NRG2: variants seen among roughly 807,000 people sequenced by gnomAD.
NRG2 encodes the protein neuregulin 2.
Under a neutral mutation model 73.9 loss-of-function variants are expected in NRG2, and 27 were observed. The observed-to-expected ratio is 0.37, with a 90% CI of 0.27 to 0.50. NRG2 has a LOEUF of 0.50. NRG2 is among the 20% of genes least tolerant of loss of function. NRG2 has a pLI of 0.96. For missense variants in NRG2, 1,126 were observed against 1,210.1 expected (o/e 0.93, Z 1.03); for synonymous variants, 532 against 541.0 (o/e 0.98, Z 0.23).
At chr5:140,031,506 C>A (rs1761152527) in intron 1 of NRG2, among the ~76,000 whole-genome samples, 1 of 152,024 alleles carries the variant, frequency 6.6e-6, no homozygotes, top group Non-Finnish European at 1.5e-5. Flanking sequence ...ACTATTTTTC[C>A]CCTAAAATCA....
Position 139,860,052 on chromosome 5 carries a change from G to A in NRG2, c.1190-4274C>T, listed in dbSNP as rs1277916714. The A allele has an allele frequency of 1.3e-5, 11 of 833,512 alleles. No homozygotes were observed. The East Asian group carries it at 2.9e-4, about 22-fold the overall frequency. The allele number at this position is 833,512 out of a possible 1,614,324, so 51.6% of individuals were successfully genotyped here. On this transcript the variant is annotated intron_variant, in intron 5 of 9. Coordinates refer to ENST00000361474, the MANE Select transcript of NRG2 (RefSeq NM_004883.3). ...CGGGCAGCCATCCTGCGAGGTGAAA[G>A]CAGGTTAGTAGTGTCCCCTCCCAGC...
intron 1 of NRG2, among the ~76,000 whole-genome samples, chr5:139,938,905 AAAAGAAAGAAAG>A (rs1164805368): frequency 0.037 from 2,797 of 75,380 alleles, 59 homozygotes; most frequent in Middle Eastern, 0.06. Context: ...AGAAAGAAAG[AAAAGAAAGAAAG>A]AAAGAAAGAA....
At chr5:139,867,358 G>A (rs1000279051) in intron 4 of NRG2, among the ~76,000 whole-genome samples, 6 of 151,948 alleles carry the variant, frequency 3.9e-5, no homozygotes, top group African/African-American at 1.5e-4. Flanking sequence ...TGGAGGGCTG[G>A]GAAGTGTATC....
At chr5:140,021,536 C>A (rs1303256053) in intron 1 of NRG2, among the ~76,000 whole-genome samples, 1 of 152,236 alleles carries the variant, frequency 6.6e-6, no homozygotes, top group African/African-American at 2.4e-5. Context: ...AGAGAGCAAT[C>A]TCAGCACGTT....
In NRG2 at chr5:139,851,047, GCGCCATCTCAGCTCACTGCAACCTC is replaced by G. The variant is rs1006532371; in HGVS notation, c.1772+532_1772+556del. On this transcript the variant is annotated intron_variant, in intron 9 of 9. Transcript: ENST00000361474. This position sits in a 1 kb window ranked among gnomAD's most constrained non-coding sequence, Gnocchi z 4.2. ...CTGTTGCTGAGGTTGGAGTGCAGTG[GCGCCATCTCAGCTCACTGCAACCTC>G]CGCCTCCCAGGTGAAGGGATGCTCT... 4.6e-5 allele frequency among the ~76,000 whole-genome samples: 7 copies of G among 151,842 alleles called. No individual in the cohort carries two copies. Among genetic ancestry groups the G allele is most frequent in the Admixed American group, 3.9e-4 (6 of 15,260 alleles).
intron 1 of NRG2, among the ~76,000 whole-genome samples, chr5:140,038,921 G>T (rs1353242738): frequency 6.6e-6 from 1 of 152,190 alleles, no homozygotes; most frequent in African/African-American, 2.4e-5. Flanking sequence ...CAGCTGGCTG[G>T]GGAAGAAAAG....
intron 1 of NRG2, among the ~76,000 whole-genome samples, chr5:139,907,977 CTCACG>C (rs2127187848): frequency 6.6e-6 from 1 of 152,362 alleles, no homozygotes; most frequent in South Asian, 2.1e-4. Flanking sequence ...TCTTGTTATC[CTCACG>C]ACAATCCTGT....
intron 1 of NRG2, among the ~76,000 whole-genome samples, chr5:139,940,435 T>C (rs1753303674): frequency 6.6e-6 from 1 of 152,228 alleles, no homozygotes; most frequent in Non-Finnish European, 1.5e-5. Flanking sequence ...TTGTGAGTAA[T>C]GGAAACATCC....
intron 1 of NRG2, among the ~76,000 whole-genome samples, chr5:139,957,561 C>T (rs1160746833): frequency 2.0e-5 from 3 of 152,132 alleles, no homozygotes; most frequent in Non-Finnish European, 4.4e-5. Flanking sequence ...GTGTTCTTTC[C>T]ACACTGCCAC....
At chr5:139,910,947 C>A (rs1765528248) in intron 1 of NRG2, among the ~76,000 whole-genome samples, 2 of 152,240 alleles carry the variant, frequency 1.3e-5, no homozygotes, top group African/African-American at 4.8e-5. Flanking sequence ...GCCTCAGGAG[C>A]AAACTGGGAG....
At chr5:140,039,710 G>A (rs556644726) in intron 1 of NRG2, among the ~76,000 whole-genome samples, 6 of 151,916 alleles carry the variant, frequency 3.9e-5, no homozygotes, top group African/African-American at 4.8e-5. Context: ...AAAAACCCAC[G>A]GGCTTTCTAG....
intron 1 of NRG2, among the ~76,000 whole-genome samples, chr5:139,976,379 A>G (rs1756386335): frequency 6.6e-6 from 1 of 152,222 alleles, no homozygotes. Flanking sequence ...AAAGGTAATA[A>G]CCTCAAATGC....
chr5:139,939,252 CT>C (rs1042396960), intron 1 of NRG2, among the ~76,000 whole-genome samples: 1 of 148,460 alleles, frequency 6.7e-6, no homozygotes, highest in Non-Finnish European at 1.5e-5. Context: ...TCCTTTCTTT[CT>C]TTCTTTCTTT....
intron 1 of NRG2, among the ~76,000 whole-genome samples, chr5:139,974,956 G>T (rs1434187763): frequency 1.3e-5 from 2 of 152,238 alleles, no homozygotes; most frequent in African/African-American, 2.4e-5. Flanking sequence ...CCATTTCCTG[G>T]TCTGTATGTA....
intron 1 of NRG2, among the ~76,000 whole-genome samples, chr5:139,917,319 A>G (rs1197825059): frequency 1.3e-5 from 2 of 152,122 alleles, no homozygotes; most frequent in African/African-American, 4.8e-5. Context: ...TGGTGTGATC[A>G]CGGTTCACTG....
chr5:139,848,487 C>A lies in NRG2; in HGVS notation c.1983G>T (p.Gly661=). The A allele has an allele frequency of 7.4e-7, 1 of 1,349,168 alleles. No homozygotes were observed. Among genetic ancestry groups the A allele is most frequent in the Non-Finnish European group, 9.4e-7 (1 of 1,064,132 alleles). 83.6% of individuals were successfully genotyped at this position (1,349,168 alleles called of 1,614,324 possible). Residue 661 remains glycine, a synonymous_variant, in exon 10 of 10, where the codon GGG becomes GGT. Transcript: ENST00000361474. ...PAPPGPGPGP[G]PGPGPGADMQ... ...TGTCTGCGCCGGGCCCGGGCCCGGG[C>A]CCGGGTCCGGGTCCCGGGCCGGGGG...
rs559820990 is a variant in NRG2 at position 139,868,500 on chromosome 5, T to C, written c.1113-2875A>G. On this transcript the variant is annotated intron_variant, in intron 4 of 9. Transcript: ENST00000361474. This position sits in a 1 kb window ranked among gnomAD's most constrained non-coding sequence, Gnocchi z 4.2. ...CAGCGGGTAACAGCCTTCCCAGCCT[T>C]TCCCACCAGGTCATCAGTTATGACT... is the stretch of plus-strand genomic sequence containing the variant. Among the ~76,000 whole-genome samples, 3 of 152,078 alleles carry C rather than the reference T, an allele frequency of 2.0e-5. No homozygotes were observed. In the East Asian group the frequency reaches 5.8e-4, roughly 29 times the overall value.
At chr5:139,911,160 G>A (rs554920159) in intron 1 of NRG2, among the ~76,000 whole-genome samples, 2 of 152,208 alleles carry the variant, frequency 1.3e-5, no homozygotes, top group East Asian at 3.9e-4. Flanking sequence ...GGGGTGGGGG[G>A]ACAGCATGTG....
In NRG2 at chr5:139,856,527, C is replaced by G. The variant is rs1761818730; in HGVS notation, c.1190-749G>C. 1 of 152,440 alleles carries G rather than the reference C, an allele frequency of 6.6e-6. No individual in the cohort carries two copies. The highest frequency in any genetic ancestry group is 1.5e-5 in the Non-Finnish European group (1 of 68,218). The allele number at this position is 152,440 out of a possible 1,614,324, so 9.4% of individuals were successfully genotyped here. A position where few individuals can be genotyped will look rare whatever the true frequency, so the allele number is the denominator to read the frequency against. On this transcript the variant is annotated intron_variant, in intron 5 of 9. Coordinates refer to ENST00000361474, the MANE Select transcript of NRG2 (RefSeq NM_004883.3). This position sits in a 1 kb window ranked among gnomAD's most constrained non-coding sequence, Gnocchi z 4.2. ...AAAAAGTAAAAGGTGACAGCGCTAG[C>G]TGTAGTCAAGGCTACAGCCCGGAGA...
Sources: gnomAD v4.1 joint callset for allele counts (sites outside exome capture counted in the v4.1 genomes callset) on GRCh38, gnomAD v4.1.1 for gene constraint, Gnocchi (gnomAD v3.1) non-coding constraint, MANE v1.5 for transcripts, NCBI Gene and HGNC (gene_info 2026-07-23, HGNC 2026-07-21) for gene names.